SNRPA: variants seen among roughly 807,000 people sequenced by gnomAD.
The protein encoded by SNRPA is U1 small nuclear ribonucleoprotein A.
Under a neutral mutation model 24.5 loss-of-function variants are expected in SNRPA, and 10 were observed. That is an observed-to-expected ratio of 0.41 (90% CI 0.25 to 0.69). The LOEUF is 0.69. Ranked by LOEUF, SNRPA falls within the 30% of genes least tolerant of loss-of-function variation. SNRPA has a pLI of 0.33. For missense variants in SNRPA, 283 were observed against 394.7 expected (o/e 0.72, Z 2.40); for synonymous variants, 165 against 148.4 (o/e 1.11, Z -0.81).
chr19:40,759,634 C>A, intron 3 of SNRPA, 24 bp downstream of exon 3: 1 of 1,578,510 alleles, frequency 6.3e-7, no homozygotes, highest in Non-Finnish European at 8.6e-7. Flanking sequence ...CGGAGACCAA[C>A]CCTCCCACTG....
At chr19:40,756,732 T>C (rs771679224) in intron 1 of SNRPA, among the ~76,000 whole-genome samples, 4 of 151,818 alleles carry the variant, frequency 2.6e-5, no homozygotes, top group Admixed American at 2.6e-4. Context: ...GAAATAGTCA[T>C]GAAAGAAAAG....
intron 5 of SNRPA, among the ~76,000 whole-genome samples, chr19:40,764,057 C>T (rs1407798821): frequency 2.0e-5 from 3 of 152,210 alleles, no homozygotes; most frequent in Non-Finnish European, 4.4e-5. Flanking sequence ...TGCTCAGAAA[C>T]AGCAAGTGTG....
intron 5 of SNRPA, among the ~76,000 whole-genome samples, chr19:40,764,092 T>C (rs1350817693): frequency 6.6e-6 from 1 of 151,968 alleles, no homozygotes; most frequent in Non-Finnish European, 1.5e-5. Context: ...GTGAAACTCT[T>C]GTGCCTGGCG....
chr19:40,759,715 AC>A (rs1225492724), intron 3 of SNRPA, 105 bp downstream of exon 3: 2 of 994,796 alleles, frequency 2.0e-6, no homozygotes, highest in Non-Finnish European at 2.9e-6. Context: ...GGGGCTTCAG[AC>A]CCCTCCTTTC....
intron 1 of SNRPA, among the ~76,000 whole-genome samples, chr19:40,752,579 CAAAAAAAAAAAAA>C (rs59705765): frequency 1.6e-5 from 1 of 61,280 alleles, no homozygotes; most frequent in Non-Finnish European, 2.9e-5. Flanking sequence ...CTTTTCTCTA[CAAAAAAAAAAAAA>C]AAAAAAAAAA....
intron 4 of SNRPA, 179 bp from the exon 5 acceptor site, chr19:40,763,408 T>A: frequency 1.6e-6 from 1 of 645,148 alleles, no homozygotes; most frequent in Non-Finnish European, 2.8e-6. Flanking sequence ...CTGTGGCCTA[T>A]AGTCTGTAGG....
intron 2 of SNRPA, 136 bp downstream of exon 2, chr19:40,757,640 T>C (rs2082914102): frequency 1.2e-6 from 1 of 816,326 alleles, no homozygotes; most frequent in Non-Finnish European, 1.9e-6. Context: ...GCACCTTGCC[T>C]CATTTAAAAA....
At position 40,761,458 on chromosome 19, in the gene SNRPA, C is replaced by CTTTTTTTTTTTTT. The variant is rs200242370; in HGVS notation, c.427-1429_427-1417dup. On this transcript the variant is annotated intron_variant, in intron 3 of 5. Coordinates refer to ENST00000243563, the MANE Select transcript of SNRPA (RefSeq NM_004596.5). Reference sequence around the variant, plus strand: ...TCTCTTTTCTTTTCTTTTTCTTTTTCTTTTTTTTTTTTTTTTTTTTTTTTT... The same window carrying CTTTTTTTTTTTTT: ...TCTCTTTTCTTTTCTTTTTCTTTTTCTTTTTTTTTTTTTTTTTTTTTTTTTTTTTTTTTTTTTT... Among the ~76,000 whole-genome samples, 659 of 85,858 alleles carry CTTTTTTTTTTTTT rather than the reference C, an allele frequency of 7.7e-3. 12 individuals are homozygous for CTTTTTTTTTTTTT. The highest frequency in any genetic ancestry group is 0.011 in the Non-Finnish European group (492 of 46,030). 56.3% of individuals were successfully genotyped at this position (85,858 alleles called of 152,430 possible). A position where few individuals can be genotyped will look rare whatever the true frequency, so the allele number is the denominator to read the frequency against.
intron 1 of SNRPA, among the ~76,000 whole-genome samples, chr19:40,754,804 T>C (rs1192677915): frequency 6.6e-6 from 1 of 151,914 alleles, no homozygotes; most frequent in Non-Finnish European, 1.5e-5. Context: ...GCCTCCCTGG[T>C]GGAATATCCT....
Position 40,751,449 on chromosome 19 carries a change from TCAA to T in SNRPA, c.46_48del (p.Asn16del). On this transcript the variant is annotated inframe_deletion, in exon 1 of 6. Coordinates refer to ENST00000243563, the MANE Select transcript of SNRPA (RefSeq NM_004596.5). The stretch of plus-strand genomic sequence containing the variant: ...ACCCGCCCTAACCACACTATTTATA[TCAA>T]CAACCTCAATGAGAAGATCAAGAAG... The T allele has an allele frequency of 6.2e-7, 1 of 1,613,562 alleles. No homozygotes were observed. Among genetic ancestry groups the T allele is most frequent in the Non-Finnish European group, 8.5e-7 (1 of 1,179,658 alleles).
intron 5 of SNRPA, 68 bp downstream of exon 5, chr19:40,763,743 G>T: frequency 7.8e-7 from 1 of 1,288,486 alleles, no homozygotes; most frequent in South Asian, 1.2e-5. Context: ...ATGGAAACAG[G>T]CCTCAGAACT....
intron 4 of SNRPA, 53 bp from the exon 5 acceptor site, chr19:40,763,534 C>T (rs2145016552): frequency 7.2e-7 from 1 of 1,390,922 alleles, no homozygotes; most frequent in East Asian, 2.3e-5. Context: ...TACTATGGGT[C>T]TCCCACTGGA....
At chr19:40,756,459 G>A (rs985867344) in intron 1 of SNRPA, among the ~76,000 whole-genome samples, 5 of 152,024 alleles carry the variant, frequency 3.3e-5, no homozygotes, top group South Asian at 2.1e-4. Context: ...AGCTGGGCAT[G>A]GTGGCATACA....
chr19:40,759,111 G>A (rs1395866268), intron 2 of SNRPA, among the ~76,000 whole-genome samples: 1 of 151,380 alleles, frequency 6.6e-6, no homozygotes, highest in African/African-American at 2.4e-5. Flanking sequence ...GGGAGGCTGA[G>A]GCAGAATTGC....
At chr19:40,763,191 G>A (rs2082940445) in intron 4 of SNRPA, 117 bp downstream of exon 4, 2 of 731,912 alleles carry the variant, frequency 2.7e-6, no homozygotes, top group East Asian at 2.7e-5. Flanking sequence ...CCCTGAGGAG[G>A]TGGTACTGAA....
At position 40,754,726 on chromosome 19, in the gene SNRPA, C is replaced by T. The variant is rs545487321; in HGVS notation, c.74-2606C>T. On this transcript the variant is annotated intron_variant, in intron 1 of 5. Transcript: ENST00000243563. ...TCCAGTGAGCTGTGCACTGGTGGCT[C>T]ATGGCTGTGAGGTGTTGGACTTTGC... Among the ~76,000 whole-genome samples, 8 of 152,116 alleles carry T rather than the reference C, an allele frequency of 5.3e-5. 1 individual carries two copies. In the South Asian group the frequency reaches 1.4e-3, roughly 28 times the overall value.
Position 40,757,509 on chromosome 19 carries a change from G to C in SNRPA, c.246+5G>C. The C allele has an allele frequency of 6.2e-7, 1 of 1,606,274 alleles. No individual in the cohort carries two copies. The highest frequency in any genetic ancestry group is 8.5e-7 in the Non-Finnish European group (1 of 1,176,022). On this transcript the variant is annotated splice_donor_5th_base_variant and intron_variant, in intron 2 of 5. Transcript: ENST00000243563. Reference sequence around the variant, plus strand: ...CCTTTCTATGACAAACCTATGGTGAGCATTGCGGGTACGGAGGCTGTGTGG... The same window carrying C: ...CCTTTCTATGACAAACCTATGGTGACCATTGCGGGTACGGAGGCTGTGTGG...
intron 3 of SNRPA, among the ~76,000 whole-genome samples, chr19:40,762,592 A>G (rs569597119): frequency 1.1e-4 from 17 of 151,860 alleles, no homozygotes; most frequent in Admixed American, 9.2e-4. Context: ...TGTTTAAGAG[A>G]CAGGGTCTTG....
chr19:40,757,193 G>A lies in SNRPA; in HGVS notation c.74-139G>A, dbSNP rs143460007. ...TTGGCCACTTGAGTGGTTCCTGGCTGCTTCTGTGATTGTTAGGTCTTGAGA... is the reference window on the plus strand; with the variant it reads ...TTGGCCACTTGAGTGGTTCCTGGCTACTTCTGTGATTGTTAGGTCTTGAGA... On this transcript the variant is annotated intron_variant, in intron 1 of 5. Transcript: ENST00000243563. 874 of 734,666 alleles carry A rather than the reference G, an allele frequency of 1.2e-3. 11 individuals carry two copies. The East Asian group carries it at 0.022, about 19-fold the overall frequency. 45.5% of individuals were successfully genotyped at this position (734,666 alleles called of 1,614,324 possible). A position where few individuals can be genotyped will look rare whatever the true frequency, so the allele number is the denominator to read the frequency against.
Sources: allele counts gnomAD v4.1 joint callset (sites outside exome capture counted in the v4.1 genomes callset), GRCh38; gene constraint gnomAD v4.1.1; transcripts MANE v1.5; gene names NCBI Gene and HGNC (gene_info 2026-07-23, HGNC 2026-07-21).